The following DCC variants were observed in gnomAD, a reference collection of about 807,000 sequenced individuals.
The protein encoded by DCC is netrin receptor DCC.
A neutral mutation model predicts 172.5 loss-of-function variants in DCC; 58 were observed. The ratio of observed to expected loss-of-function variants is 0.34; its 90% CI spans 0.27 to 0.42. The LOEUF (loss-of-function observed/expected upper bound fraction) is 0.42. Among genes scored for constraint, DCC ranks in the 10% least tolerant of loss-of-function variants. DCC has a pLI of 1.00. For synonymous variants in DCC, 709 were observed against 644.5 expected, an observed-to-expected ratio of 1.10 and a Z score of -1.52; for missense variants, 1,740 against 1,791.0, an observed-to-expected ratio of 0.97 and a Z score of 0.51.
intron 15 of DCC, among the ~76,000 whole-genome samples, chr18:53,346,386 A>C (rs2057725606): frequency 6.6e-6 from 1 of 152,106 alleles, no homozygotes; most frequent in African/African-American, 2.4e-5. Context: ...TATTCACCAC[A>C]TTCCCTCTGA....
chr18:53,068,449 A>G (rs1282535168), intron 7 of DCC, among the ~76,000 whole-genome samples: 2 of 129,410 alleles, frequency 1.5e-5, no homozygotes, highest in Non-Finnish European at 3.1e-5. Context: ...ATCATTAGTA[A>G]CAAAAGTATG....
intron 5 of DCC, among the ~76,000 whole-genome samples, chr18:52,997,767 T>C (rs2041504929): frequency 6.6e-6 from 1 of 152,138 alleles, no homozygotes; most frequent in Admixed American, 6.6e-5. Flanking sequence ...TAGCTAGATT[T>C]TGTGTCCAAA....
chr18:52,854,144 C>T (rs912687135), intron 2 of DCC, among the ~76,000 whole-genome samples: 42 of 152,154 alleles, frequency 2.8e-4, no homozygotes, highest in African/African-American at 9.7e-4. Context: ...GTCTGTAATG[C>T]CACATCCCAG....
intron 15 of DCC, among the ~76,000 whole-genome samples, chr18:53,343,139 C>T (rs1294352823): frequency 6.6e-6 from 1 of 151,698 alleles, no homozygotes; most frequent in Non-Finnish European, 1.5e-5. Flanking sequence ...TATTTAGTTT[C>T]TGATCTCTGT....
chr18:53,133,404 C>T (rs754345477), intron 7 of DCC, among the ~76,000 whole-genome samples: 1 of 152,152 alleles, frequency 6.6e-6, no homozygotes, highest in Non-Finnish European at 1.5e-5. Context: ...TTGCTGATAA[C>T]CCCTTTTACA....
Position 52,752,459 on chromosome 18 carries a change from G to A in DCC, c.412+85G>A. 5 of 1,033,238 alleles carry A rather than the reference G, an allele frequency of 4.8e-6. No individual in the cohort carries two copies. In the South Asian group the frequency reaches 6.6e-5, roughly 14 times the overall value. 64.0% of individuals were successfully genotyped at this position (1,033,238 alleles called of 1,614,324 possible). A position where few individuals can be genotyped will look rare whatever the true frequency, so the allele number is the denominator to read the frequency against. On this transcript the variant is annotated intron_variant, in intron 2 of 28. Coordinates refer to ENST00000442544, the MANE Select transcript of DCC (RefSeq NM_005215.4). ...TGGGGATGAGAAAATAATTTTTGTA[G>A]AAATAATGTACATTTTAAAAATCTT...
chr18:52,418,800 A>AT (rs1987137133), intron 1 of DCC, among the ~76,000 whole-genome samples: 1 of 150,188 alleles, frequency 6.7e-6, no homozygotes, highest in Non-Finnish European at 1.5e-5. Flanking sequence ...TAATCCTGTT[A>AT]TTATCTAGTG....
At chr18:52,866,692 T>C (rs938691785) in intron 2 of DCC, among the ~76,000 whole-genome samples, 1 of 152,172 alleles carries the variant, frequency 6.6e-6, no homozygotes, top group East Asian at 1.9e-4. Flanking sequence ...TTGTCTATTA[T>C]TTGTGTATAG....
intron 1 of DCC, among the ~76,000 whole-genome samples, chr18:52,571,404 T>A (rs976603437): frequency 9.9e-5 from 15 of 152,074 alleles, no homozygotes; most frequent in Middle Eastern, 3.4e-3. Context: ...CACCTGTTTT[T>A]ATAGAAAGAA....
In DCC at chr18:52,469,386, C is replaced by T. The variant is rs560100912; in HGVS notation, c.91+128508C>T. 3.9e-5 allele frequency among the ~76,000 whole-genome samples: 6 copies of T among 152,236 alleles called. No individual in the cohort carries two copies. The South Asian group carries it at 1.0e-3, about 26-fold the overall frequency. Reference sequence around the variant, plus strand: ...CTGTGCCCAGCTGGAAAACAATTTTCAAGCTATCTCCTAATGGTGTTGCTA... The same window carrying T: ...CTGTGCCCAGCTGGAAAACAATTTTTAAGCTATCTCCTAATGGTGTTGCTA... On this transcript the variant is annotated intron_variant, in intron 1 of 28. Coordinates refer to ENST00000442544, the MANE Select transcript of DCC (RefSeq NM_005215.4).
intron 1 of DCC, among the ~76,000 whole-genome samples, chr18:52,390,212 G>T (rs568229341): frequency 6.6e-6 from 1 of 152,216 alleles, no homozygotes; most frequent in South Asian, 2.1e-4. Context: ...TTTCTTCCAT[G>T]AATGTATTTC....
intron 5 of DCC, among the ~76,000 whole-genome samples, chr18:52,963,611 A>C (rs2040881572): frequency 6.6e-6 from 1 of 152,090 alleles, no homozygotes; most frequent in African/African-American, 2.4e-5. Flanking sequence ...TTGAGTGGGA[A>C]GGTGTTGTGG....
At chr18:53,267,759 C>A (rs1053226522) in intron 12 of DCC, among the ~76,000 whole-genome samples, 17 of 152,134 alleles carry the variant, frequency 1.1e-4, no homozygotes, top group African/African-American at 4.1e-4. Flanking sequence ...AGCCAATGTG[C>A]CCGGCCACAT....
At chr18:52,575,570 A>T (rs960423205) in intron 1 of DCC, among the ~76,000 whole-genome samples, 2 of 152,160 alleles carry the variant, frequency 1.3e-5, no homozygotes, top group African/African-American at 4.8e-5. Context: ...ATTTCCTACC[A>T]TTCTTTGACT....
chr18:53,374,430 A>T (rs893031887), intron 15 of DCC, among the ~76,000 whole-genome samples: 1 of 152,200 alleles, frequency 6.6e-6, no homozygotes, highest in Non-Finnish European at 1.5e-5. Flanking sequence ...TATGCATGAA[A>T]CTATGTATTA....
At chr18:53,267,506 G>A (rs1169929605) in intron 12 of DCC, among the ~76,000 whole-genome samples, 1 of 151,736 alleles carries the variant, frequency 6.6e-6, no homozygotes, top group African/African-American at 2.4e-5. Flanking sequence ...TTGAGACAGG[G>A]TCTTTCTCTG....
intron 1 of DCC, among the ~76,000 whole-genome samples, chr18:52,434,102 G>T (rs1987712296): frequency 6.6e-6 from 1 of 151,494 alleles, no homozygotes; most frequent in African/African-American, 2.5e-5. Context: ...AGAAGGGGTT[G>T]AATAGTTATG....
intron 28 of DCC, among the ~76,000 whole-genome samples, chr18:53,528,979 G>T (rs2046489259): frequency 7.0e-6 from 1 of 143,266 alleles, no homozygotes; most frequent in Admixed American, 7.1e-5. Context: ...GAAATGAGTT[G>T]CCTAGTAATC....
rs1195382971 is a variant in DCC, at chr18:53,355,335, A to G, written c.2359+15428A>G. Among the ~76,000 whole-genome samples, 8 of 152,128 alleles carry G rather than the reference A, an allele frequency of 5.3e-5. No homozygotes were observed. In the East Asian group the frequency reaches 1.4e-3, roughly 26 times the overall value. The stretch of plus-strand genomic sequence containing the variant: ...AAAAGTCATTGGTAGCTTGATGGAG[A>G]TGGCATTGAATCTATAAATTACCTT... On this transcript the variant is annotated intron_variant, in intron 15 of 28. Coordinates refer to ENST00000442544, the MANE Select transcript of DCC (RefSeq NM_005215.4).
Sources: gnomAD v4.1 joint callset for allele counts (sites outside exome capture counted in the v4.1 genomes callset) on GRCh38, gnomAD v4.1.1 for gene constraint, MANE v1.5 for transcripts, NCBI Gene and HGNC (gene_info 2026-07-23, HGNC 2026-07-21) for gene names.